Variants in KDSR observed in about 807,000 individuals in gnomAD.
KDSR encodes the protein 3-dehydrosphinganine reductase.
Under a neutral mutation model 41.3 loss-of-function variants are expected in KDSR, and 23 were observed. That is an observed-to-expected ratio of 0.56 (90% CI 0.40 to 0.79). KDSR has a LOEUF of 0.79. Among genes scored for constraint, KDSR ranks in the 30% least tolerant of loss-of-function variants. The probability of loss-of-function intolerance (pLI) is 0.00; values close to 1 mark genes in which losing one functional copy is unlikely to be tolerated. For missense variants in KDSR, 351 were observed against 416.8 expected, an observed-to-expected ratio of 0.84 and a Z score of 1.37; for synonymous variants, 138 against 151.7, an observed-to-expected ratio of 0.91 and a Z score of 0.66.
chr18:63,348,626 G>A (rs1914582160), intron 6 of KDSR, among the ~76,000 whole-genome samples: 1 of 152,110 alleles, frequency 6.6e-6, no homozygotes, highest in African/African-American at 2.4e-5. Context: ...TGAGCGTGCA[G>A]GCCGGCTACT....
intron 1 of KDSR, 115 bp downstream of exon 1, chr18:63,366,896 G>T: frequency 2.1e-6 from 1 of 482,984 alleles, no homozygotes; most frequent in Non-Finnish European, 3.4e-6. Flanking sequence ...TCCCCATTTG[G>T]CCATGCCTTC....
Position 63,331,703 on chromosome 18 carries a change from T to C in KDSR, c.*79A>G, listed in dbSNP as rs947918179. Reference sequence around the variant, plus strand: ...TTCGAAAACAATACATAAGTGTCTATAGGCCAAAAATTGGGTCCCATTTAG... The same window carrying C: ...TTCGAAAACAATACATAAGTGTCTACAGGCCAAAAATTGGGTCCCATTTAG... On this transcript the variant is annotated 3_prime_UTR_variant, in exon 10 of 10. Coordinates refer to ENST00000645214, the MANE Select transcript of KDSR (RefSeq NM_002035.4). The C allele has an allele frequency of 1.3e-5, 19 of 1,469,200 alleles. No individual in the cohort carries two copies. The highest frequency in any genetic ancestry group is 2.8e-5 in the African/African-American group (2 of 71,680). 91.0% of individuals were successfully genotyped at this position (1,469,200 alleles called of 1,614,324 possible). A position where few individuals can be genotyped will look rare whatever the true frequency, so the allele number is the denominator to read the frequency against.
intron 3 of KDSR, 42 bp from the exon 4 acceptor site, chr18:63,355,605 CA>C (rs745962909): frequency 6.6e-7 from 1 of 1,518,150 alleles, no homozygotes; most frequent in East Asian, 2.3e-5. Context: ...TTGCAGGTAC[CA>C]AACTATTTCT....
At chr18:63,365,084 T>C (rs1915096649) in intron 1 of KDSR, among the ~76,000 whole-genome samples, 1 of 152,240 alleles carries the variant, frequency 6.6e-6, no homozygotes, top group Non-Finnish European at 1.5e-5. Context: ...CTGCCACCAC[T>C]GAAGAGATTT....
chr18:63,354,836 T>G (rs1469766991), intron 5 of KDSR, among the ~76,000 whole-genome samples: 1 of 152,204 alleles, frequency 6.6e-6, no homozygotes, highest in Non-Finnish European at 1.5e-5. Context: ...CTTCAACTTT[T>G]TTGGTTTCTC....
At chr18:63,336,936 T>C (rs889892565) in intron 8 of KDSR, among the ~76,000 whole-genome samples, 1 of 152,092 alleles carries the variant, frequency 6.6e-6, no homozygotes, top group African/African-American at 2.4e-5. Flanking sequence ...CAGAAGCAGC[T>C]ATTTGAATCC....
At chr18:63,333,712 T>TA (rs1914079438) in intron 9 of KDSR, among the ~76,000 whole-genome samples, 2 of 152,160 alleles carry the variant, frequency 1.3e-5, no homozygotes, top group African/African-American at 4.8e-5. Flanking sequence ...TTTAAAATCT[T>TA]AAACACACAC....
intron 6 of KDSR, among the ~76,000 whole-genome samples, chr18:63,349,706 C>T (rs1265087599): frequency 6.6e-6 from 1 of 152,258 alleles, no homozygotes; most frequent in Non-Finnish European, 1.5e-5. Context: ...CTCTATCACA[C>T]ACCATCAAGG....
At chr18:63,358,667 T>C (rs1914870681) in intron 3 of KDSR, among the ~76,000 whole-genome samples, 1 of 151,322 alleles carries the variant, frequency 6.6e-6, no homozygotes, top group South Asian at 2.1e-4. Flanking sequence ...CAAAAAAAAT[T>C]AGCCGGGTGT....
intron 6 of KDSR, among the ~76,000 whole-genome samples, chr18:63,348,882 G>A (rs572760508): frequency 2.0e-5 from 3 of 152,270 alleles, no homozygotes; most frequent in Admixed American, 6.5e-5. Context: ...GTAAAGGGCC[G>A]GGGCAACTAG....
intron 1 of KDSR, chr18:63,365,950 A>G (rs772690223): frequency 6.6e-6 from 1 of 152,260 alleles, no homozygotes; most frequent in Non-Finnish European, 1.5e-5. Context: ...AAAGCATACT[A>G]AGAAAAACGA....
At chr18:63,342,404 C>A (rs911274465) in intron 7 of KDSR, among the ~76,000 whole-genome samples, 10 of 152,064 alleles carry the variant, frequency 6.6e-5, no homozygotes, top group Non-Finnish European at 1.2e-4. Flanking sequence ...CGCTGGGTGG[C>A]AGAACTAGAA....
chr18:63,344,127 C>T (rs1568278243), intron 7 of KDSR, among the ~76,000 whole-genome samples: 2 of 152,102 alleles, frequency 1.3e-5, no homozygotes, highest in Non-Finnish European at 2.9e-5. Context: ...CAGTTAGCCA[C>T]GATTGTACCA....
In KDSR at chr18:63,362,835, T is replaced by C. The variant is rs1915028215; in HGVS notation, c.142A>G (p.Ile48Val). 2 of 1,613,850 alleles carry C rather than the reference T, an allele frequency of 1.2e-6. No homozygotes were observed. The highest frequency in any genetic ancestry group is 2.7e-5 in the African/African-American group (2 of 75,056). ...TGGSSGIGKC[I>V]AIECYKQGAF... The stretch of plus-strand genomic sequence containing the variant: ...CCTTGTTTATAGCACTCGATAGCAA[T>C]GCACTTCCCGATGCCACTGGAACCT... Residue 48 changes from isoleucine (I) to valine (V), a missense_variant, in exon 2 of 10, where the codon ATT becomes GTT. Ile to Val is a conservative substitution (Grantham distance 29). Transcript: ENST00000645214.
At chr18:63,348,224 G>T (rs938137577) in intron 6 of KDSR, among the ~76,000 whole-genome samples, 1 of 151,928 alleles carries the variant, frequency 6.6e-6, no homozygotes, top group Non-Finnish European at 1.5e-5. Context: ...TGGGAGGACT[G>T]CTTGGGCCCA....
intron 3 of KDSR, among the ~76,000 whole-genome samples, chr18:63,357,573 T>G (rs1431848490): frequency 7.9e-6 from 1 of 126,362 alleles, no homozygotes. Context: ...CATACATACA[T>G]ATATATATAT....
chr18:63,338,283 A>G (rs1202165662), intron 8 of KDSR, among the ~76,000 whole-genome samples: 15 of 152,260 alleles, frequency 9.9e-5, no homozygotes, highest in Admixed American at 7.8e-4. Context: ...GTTGTCAAAA[A>G]GCATGAGGCA....
chr18:63,352,269 A>G (rs932548306), intron 5 of KDSR, among the ~76,000 whole-genome samples: 2 of 152,166 alleles, frequency 1.3e-5, no homozygotes, highest in African/African-American at 4.8e-5. Flanking sequence ...TGAACATACA[A>G]TCATAATATC....
chr18:63,348,293 A>T (rs940963515), intron 6 of KDSR, among the ~76,000 whole-genome samples: 1 of 151,042 alleles, frequency 6.6e-6, no homozygotes, highest in Non-Finnish European at 1.5e-5. Context: ...TCGGCAACAA[A>T]GCAAGACTCT....
Sources: gnomAD v4.1 joint callset for allele counts (sites outside exome capture counted in the v4.1 genomes callset) on GRCh38, gnomAD v4.1.1 for gene constraint, MANE v1.5 for transcripts, NCBI Gene and HGNC (gene_info 2026-07-23, HGNC 2026-07-21) for gene names.